TMOD1: variants seen among roughly 807,000 people sequenced by gnomAD.
The protein encoded by TMOD1 is tropomodulin-1.
In TMOD1, 17 loss-of-function variants were observed where a neutral mutation model predicts 40.6. The observed-to-expected ratio is 0.42, with a 90% CI of 0.29 to 0.63. The LOEUF (loss-of-function observed/expected upper bound fraction) is 0.63. Ranked by LOEUF, TMOD1 falls within the 20% of genes least tolerant of loss-of-function variation. TMOD1 has a pLI of 0.22. For missense variants in TMOD1, 391 were observed against 447.6 expected, an observed-to-expected ratio of 0.87 and a Z score of 1.14; for synonymous variants, 181 against 175.0, an observed-to-expected ratio of 1.03 and a Z score of -0.27.
At chr9:97,501,553 G>A (rs182340472), upstream of TMOD1, 11,340 of 150,580 alleles carry the variant, frequency 0.075, 699 homozygotes, top group African/African-American at 0.17. Flanking sequence ...GTGGAGGGGG[G>A]GGGAAGGAGG....
chr9:97,535,031 T>G (rs1327312174), intron 2 of TMOD1, among the ~76,000 whole-genome samples: 1 of 152,070 alleles, frequency 6.6e-6, no homozygotes, highest in Non-Finnish European at 1.5e-5. Context: ...ATGGGCTACT[T>G]GATGAAGGGA....
chr9:97,544,310 G>T (rs1389641753), intron 2 of TMOD1, among the ~76,000 whole-genome samples: 2 of 152,096 alleles, frequency 1.3e-5, no homozygotes, highest in African/African-American at 2.4e-5. Context: ...GGCCGAGGTG[G>T]GTGGATCATG....
Position 97,568,979 on chromosome 9 carries a change from G to C in TMOD1, c.812G>C (p.Arg271Pro). 2.5e-6 allele frequency: 4 copies of C among 1,614,180 alleles called. No individual in the cohort carries two copies. Among genetic ancestry groups the C allele is most frequent in the Non-Finnish European group, 3.4e-6 (4 of 1,180,034 alleles). ...TTCATTTCTGGAGCTGGGATTCTGC[G>C]CCTGGTAGAAGCCCTCCCATACAAC... ...SNFISGAGIL[R>P]LVEALPYNTS... Residue 271 changes from arginine to proline, a missense_variant, in exon 8 of 10, where the codon CGC becomes CCC. Coordinates refer to ENST00000259365, the MANE Select transcript of TMOD1 (RefSeq NM_003275.4).
intron 2 of TMOD1, among the ~76,000 whole-genome samples, chr9:97,534,585 C>T (rs1328440664): frequency 2.0e-5 from 3 of 152,164 alleles, no homozygotes; most frequent in Non-Finnish European, 4.4e-5. Flanking sequence ...TGAAGGGAGT[C>T]CAAGTCATAC....
intron 8 of TMOD1, among the ~76,000 whole-genome samples, chr9:97,574,897 A>T (rs942293719): frequency 1.1e-4 from 17 of 152,162 alleles, no homozygotes; most frequent in Non-Finnish European, 2.2e-4. Flanking sequence ...AGGGATTGTA[A>T]ACGCACCAGT....
chr9:97,565,042 A>C (rs1485658515), intron 6 of TMOD1, among the ~76,000 whole-genome samples: 1 of 152,174 alleles, frequency 6.6e-6, no homozygotes. Context: ...TGACGCTCTG[A>C]GAGATTGGTA....
At chr9:97,570,305 C>T (rs992432474) in intron 8 of TMOD1, among the ~76,000 whole-genome samples, 3 of 152,180 alleles carry the variant, frequency 2.0e-5, no homozygotes, top group African/African-American at 4.8e-5. Flanking sequence ...ATGGAATGTC[C>T]TCCCCTGCCT....
chr9:97,524,345 C>G (rs375463757), intron 2 of TMOD1, 37 bp downstream of exon 2: 1 of 1,604,422 alleles, frequency 6.2e-7, no homozygotes, highest in Non-Finnish European at 8.5e-7. Flanking sequence ...TTGTCACTAG[C>G]GAGGGGACCT....
At position 97,546,170 on chromosome 9, in the gene TMOD1, C is replaced by A; in HGVS notation, c.121-15C>A. 1 of 1,596,174 alleles carries A rather than the reference C, an allele frequency of 6.3e-7. No individual in the cohort carries two copies. Reference sequence around the variant, plus strand: ...TCTTTCTCTCTCTCCTGCCCCCCCACAACCTCCAATGTAGAATGCACTGCT... The same window carrying A: ...TCTTTCTCTCTCTCCTGCCCCCCCAAAACCTCCAATGTAGAATGCACTGCT... On this transcript the variant is annotated splice_polypyrimidine_tract_variant and intron_variant, in intron 2 of 9. Transcript: ENST00000259365.
At chr9:97,571,389 C>T (rs1475543) in intron 8 of TMOD1, among the ~76,000 whole-genome samples, 2 of 152,074 alleles carry the variant, frequency 1.3e-5, no homozygotes, top group East Asian at 1.9e-4. Context: ...CCTGAGCCTC[C>T]GTTTCCTGGC....
chr9:97,590,865 G>T (rs1245383499), intron 8 of TMOD1, among the ~76,000 whole-genome samples: 1 of 152,108 alleles, frequency 6.6e-6, no homozygotes, highest in Non-Finnish European at 1.5e-5. Context: ...AATCTCCTGA[G>T]AAGTTTTTAA....
At chr9:97,547,407 A>C (rs1830382220) in intron 3 of TMOD1, among the ~76,000 whole-genome samples, 1 of 152,144 alleles carries the variant, frequency 6.6e-6, no homozygotes, top group Non-Finnish European at 1.5e-5. Flanking sequence ...CTGGAGCTAC[A>C]TCTATTTGAG....
At chr9:97,576,983 C>T (rs992287406) in intron 8 of TMOD1, among the ~76,000 whole-genome samples, 1 of 152,096 alleles carries the variant, frequency 6.6e-6, no homozygotes, top group South Asian at 2.1e-4. Context: ...GGGAATAAAT[C>T]GGGTGAGGGA....
chr9:97,597,928 A>G (rs1826149159), intron 9 of TMOD1, among the ~76,000 whole-genome samples: 1 of 151,984 alleles, frequency 6.6e-6, no homozygotes, highest in Non-Finnish European at 1.5e-5. Flanking sequence ...AGAAGGAGCT[A>G]ATCCTCCCTG....
chr9:97,533,239 G>A (rs755220297), intron 2 of TMOD1, among the ~76,000 whole-genome samples: 1 of 152,216 alleles, frequency 6.6e-6, no homozygotes, highest in African/African-American at 2.4e-5. Context: ...CCTATGGCAG[G>A]TGTTTGTTTT....
intron 2 of TMOD1, among the ~76,000 whole-genome samples, chr9:97,541,184 T>C (rs986614623): frequency 1.3e-5 from 2 of 152,104 alleles, no homozygotes; most frequent in African/African-American, 4.8e-5. Context: ...TTTTAAAAAA[T>C]TTATTTATTT....
At chr9:97,582,134 T>C (rs917131103) in intron 8 of TMOD1, among the ~76,000 whole-genome samples, 2 of 152,134 alleles carry the variant, frequency 1.3e-5, no homozygotes, top group African/African-American at 4.8e-5. Flanking sequence ...TGGTTTTAGG[T>C]CTAACGTTTA....
At chr9:97,541,124 G>A (rs746167414) in intron 2 of TMOD1, among the ~76,000 whole-genome samples, 1 of 151,940 alleles carries the variant, frequency 6.6e-6, no homozygotes, top group Non-Finnish European at 1.5e-5. Context: ...GAGCTTTTTG[G>A]CCATTTTTAT....
intron 2 of TMOD1, among the ~76,000 whole-genome samples, chr9:97,542,044 AC>A: frequency 6.6e-6 from 1 of 152,360 alleles, no homozygotes; most frequent in East Asian, 1.9e-4. Flanking sequence ...TATCTAAGAA[AC>A]CATTGCCTAA....
Sources: gnomAD v4.1 joint callset for allele counts (sites outside exome capture counted in the v4.1 genomes callset) on GRCh38, gnomAD v4.1.1 for gene constraint, MANE v1.5 for transcripts, NCBI Gene and HGNC (gene_info 2026-07-23, HGNC 2026-07-21) for gene names.